ABCA5: variants seen among roughly 807,000 people sequenced by gnomAD.
The protein encoded by ABCA5 is cholesterol transporter ABCA5.
A neutral mutation model predicts 206.0 loss-of-function variants in ABCA5; 163 were observed. The observed-to-expected ratio is 0.79, with a 90% CI of 0.70 to 0.90. ABCA5 has a LOEUF of 0.90. ABCA5 is among the 40% of genes least tolerant of loss of function. The pLI, the probability that ABCA5 is intolerant of heterozygous loss-of-function variation, is 0.00. For missense variants in ABCA5, 1,859 were observed against 1,912.9 expected, an observed-to-expected ratio of 0.97 and a Z score of 0.53; for synonymous variants, 609 against 613.8, an observed-to-expected ratio of 0.99 and a Z score of 0.11.
chr17:69,254,174 T>G (rs1443401802), intron 32 of ABCA5, 141 bp downstream of exon 32: 2 of 703,702 alleles, frequency 2.8e-6, no homozygotes, highest in East Asian at 2.9e-5. Context: ...TTTTCATATA[T>G]CATAAAGAAT....
At chr17:69,313,854 T>C (rs1024579368) in intron 2 of ABCA5, among the ~76,000 whole-genome samples, 6 of 152,206 alleles carry the variant, frequency 3.9e-5, no homozygotes, top group Non-Finnish European at 7.4e-5. Context: ...TCCTTTGAAA[T>C]TATTACTAGC....
chr17:69,311,647 G>A (rs1313311697), intron 3 of ABCA5, among the ~76,000 whole-genome samples: 1 of 151,908 alleles, frequency 6.6e-6, no homozygotes, highest in African/African-American at 2.4e-5. Flanking sequence ...CCACCACCAT[G>A]GCTGGATAAT....
At chr17:69,251,517 TA>T in intron 35 of ABCA5, 2 of 523,130 alleles carry the variant, frequency 3.8e-6, no homozygotes, top group East Asian at 3.5e-5. Flanking sequence ...GTACTATGCC[TA>T]AAAATAATAT....
chr17:69,303,963 GC>G (rs2075689406), intron 7 of ABCA5: 1 of 147,732 alleles, frequency 6.8e-6, no homozygotes, highest in Admixed American at 6.9e-5. Flanking sequence ...GAAGGATTGA[GC>G]CTGGGAGGTC....
chr17:69,285,934 A>G lies in ABCA5; in HGVS notation c.2236T>C (p.Tyr746His), dbSNP rs2075446554. Residue 746 changes from tyrosine to histidine, a missense_variant, in exon 17 of 39, where the codon TAT (tyrosine) becomes CAT (histidine). Transcript: ENST00000392676. Reference protein sequence around the residue: ...LLQQNDQQLVYSLPFKDMDKF... With the variant: ...LLQQNDQQLVHSLPFKDMDKF... ...TCCATGTCCTTGAAAGGCAAGCTAT[A>G]CACAAGTTGTTGGTCATTCTGTTGT... 5.0e-6 allele frequency: 8 copies of G among 1,613,344 alleles called. No homozygotes were observed. Among genetic ancestry groups the G allele is most frequent in the Non-Finnish European group, 6.8e-6 (8 of 1,179,566 alleles).
intron 23 of ABCA5, among the ~76,000 whole-genome samples, chr17:69,267,642 CTGAGCAAGTCATA>C (rs1393170452): frequency 6.6e-6 from 1 of 152,114 alleles, no homozygotes; most frequent in African/African-American, 2.4e-5. Flanking sequence ...TTGAGTCAAC[CTGAGCAAGTCATA>C]TGAACAATCC....
rs1339481849 is a variant in ABCA5 at position 69,303,484 on chromosome 17, T to C, written c.931-578A>G. On this transcript the variant is annotated intron_variant, in intron 7 of 38. Transcript: ENST00000392676. ...TAGGTAAACATGACCACCTCTACAT[T>C]ACAGAAACCATAAATAGCCATGTGT... Among the ~76,000 whole-genome samples, 3 of 151,412 alleles carry C rather than the reference T, an allele frequency of 2.0e-5. No individual in the cohort carries two copies. The East Asian group carries it at 5.8e-4, about 29-fold the overall frequency.
chr17:69,278,522 C>T (rs1229458746), intron 18 of ABCA5, among the ~76,000 whole-genome samples: 3 of 152,144 alleles, frequency 2.0e-5, no homozygotes, highest in Non-Finnish European at 4.4e-5. Flanking sequence ...GGTTTAAGAG[C>T]CAATGCCTAC....
intron 28 of ABCA5, 111 bp from the exon 29 acceptor site, chr17:69,256,394 C>T (rs1338993952): frequency 1.8e-6 from 1 of 542,280 alleles, no homozygotes. Context: ...AACATAAGAT[C>T]TAGGATTATC....
At position 69,259,668 on chromosome 17, in the gene ABCA5, T is replaced by A. The variant is rs201993201; in HGVS notation, c.3731+38A>T. ...TAATGGTTACACAGTTCTGTAAATA[T>A]ACTAAAAACATTTAAAATTTTTAAA... On this transcript the variant is annotated intron_variant, in intron 28 of 38. Coordinates refer to ENST00000392676, the MANE Select transcript of ABCA5 (RefSeq NM_172232.4). 3.3e-4 allele frequency: 450 copies of A among 1,361,400 alleles called. 3 individuals are homozygous for A. In the African/African-American group the frequency reaches 6.0e-3, roughly 18 times the overall value. The allele number at this position is 1,361,400 out of a possible 1,614,324, so 84.3% of individuals were successfully genotyped here. A position where few individuals can be genotyped will look rare whatever the true frequency, so the allele number is the denominator to read the frequency against.
chr17:69,290,845 CCTG>C (rs1186834034), intron 12 of ABCA5, among the ~76,000 whole-genome samples: 5 of 151,976 alleles, frequency 3.3e-5, no homozygotes, highest in African/African-American at 1.2e-4. Context: ...ACAATTATTT[CCTG>C]CTGAACTATT....
At chr17:69,302,320 C>T (rs531851049) in intron 8 of ABCA5, among the ~76,000 whole-genome samples, 4 of 152,282 alleles carry the variant, frequency 2.6e-5, no homozygotes, top group African/African-American at 7.2e-5. Context: ...ACTACACTCA[C>T]GGTAAATTTG....
rs1400996207 is a variant in ABCA5 at position 69,270,158 on chromosome 17, AT to A, written c.3030+454del. Among the ~76,000 whole-genome samples, 3 of 152,070 alleles carry A rather than the reference AT, an allele frequency of 2.0e-5. No individual in the cohort carries two copies. The East Asian group carries it at 5.8e-4, about 29-fold the overall frequency. ...TATTGTTACAGATATTTGTCCATTT[AT>A]TTTTTAGCATATGAAAATCAAAAGG... On this transcript the variant is annotated intron_variant, in intron 22 of 38. Coordinates refer to ENST00000392676, the MANE Select transcript of ABCA5 (RefSeq NM_172232.4).
In ABCA5 at chr17:69,253,786, G is replaced by T. The variant is rs2075044260; in HGVS notation, c.4320+8C>A. On this transcript the variant is annotated splice_region_variant and intron_variant, in intron 33 of 38. Transcript: ENST00000392676. ...ATACAGGCATTATTTGGTGTTTAAT[G>T]AAAGTACCTTTCGTTTGATTCCTGC... 1 of 1,610,292 alleles carries T rather than the reference G, an allele frequency of 6.2e-7. No homozygotes were observed. The highest frequency in any genetic ancestry group is 1.3e-5 in the African/African-American group (1 of 74,764).
At chr17:69,283,897 T>A (rs2075423107) in intron 18 of ABCA5, 56 bp downstream of exon 18, 1 of 1,530,690 alleles carries the variant, frequency 6.5e-7, no homozygotes, top group African/African-American at 1.4e-5. Flanking sequence ...AATTTTTGTC[T>A]TATTCACCAT....
rs373892252 is a variant in ABCA5, at chr17:69,283,996, G to T, written c.2349C>A (p.Asp783Glu). The change falls in exon 18 of 39, where the codon GAC becomes GAA. Residue 783 changes from aspartate (D) to glutamate (E), a missense_variant. Coordinates refer to ENST00000392676, the MANE Select transcript of ABCA5 (RefSeq NM_172232.4). ...CTTCAACTTCTAGCTTTAAAAATAC[G>T]TCTTCCAAAGTCGTCATGGAAACAC... ...SYGVSMTTLE[D>E]VFLKLEVEAE... is the part of the protein sequence containing the mutation. 1 of 1,606,434 alleles carries T rather than the reference G, an allele frequency of 6.2e-7. No homozygotes were observed.
intron 11 of ABCA5, 34 bp downstream of exon 11, chr17:69,294,621 A>G (rs1159427466): frequency 1.3e-6 from 2 of 1,540,116 alleles, no homozygotes; most frequent in African/African-American, 2.8e-5. Context: ...TGTACTTTAA[A>G]TACTATGGCC....
chr17:69,255,945 T>C (rs1486187747), intron 29 of ABCA5, 95 bp from the exon 30 acceptor site: 3 of 1,169,976 alleles, frequency 2.6e-6, no homozygotes, highest in South Asian at 1.7e-5. Flanking sequence ...AAAAATTATA[T>C]TGGCTAATAA....
intron 11 of ABCA5, among the ~76,000 whole-genome samples, chr17:69,291,876 G>A (rs1463078580): frequency 6.6e-6 from 1 of 152,164 alleles, no homozygotes; most frequent in Non-Finnish European, 1.5e-5. Context: ...ACTTTGGGAG[G>A]CTGAGGTGGG....
Sources: gnomAD v4.1 joint callset for allele counts (sites outside exome capture counted in the v4.1 genomes callset) on GRCh38, gnomAD v4.1.1 for gene constraint, MANE v1.5 for transcripts, NCBI Gene and HGNC (gene_info 2026-07-23, HGNC 2026-07-21) for gene names.